QPCT: variants seen among roughly 807,000 people sequenced by gnomAD.
QPCT encodes the protein glutaminyl-peptide cyclotransferase.
In QPCT, 44 loss-of-function variants were observed where a neutral mutation model predicts 43.4. The observed-to-expected ratio is 1.01, with a 90% CI of 0.80 to 1.30. The LOEUF is 1.30. Ranked by LOEUF, QPCT falls within the 50% of genes most tolerant of loss-of-function variation. The pLI, the probability that QPCT is intolerant of heterozygous loss-of-function variation, is 0.00. For synonymous variants in QPCT, 168 were observed against 168.4 expected (o/e 1.00, Z 0.02); for missense variants, 526 against 436.5 (o/e 1.21, Z -1.83).
chr2:37,370,241 A>T (rs916464296), intron 5 of QPCT, among the ~76,000 whole-genome samples: 2 of 151,904 alleles, frequency 1.3e-5, no homozygotes, highest in Non-Finnish European at 2.9e-5. Context: ...AATATACTTT[A>T]TTGGCTTTTT....
At chr2:37,359,392 C>G (rs768024057) in intron 2 of QPCT, among the ~76,000 whole-genome samples, 188 bp from the exon 3 acceptor site, 49 of 152,256 alleles carry the variant, frequency 3.2e-4, no homozygotes, top group South Asian at 2.5e-3. Context: ...CTCCTTTAAA[C>G]AGGACAAATG....
Position 37,352,916 on chromosome 2 carries a change from G to A in QPCT, c.248G>A (p.Gly83Glu), listed in dbSNP as rs1280478702. The A allele has an allele frequency of 6.2e-7, 1 of 1,613,744 alleles. No individual in the cohort carries two copies. Among genetic ancestry groups the A allele is most frequent in the Non-Finnish European group, 8.5e-7 (1 of 1,179,706 alleles). ...LLIERYPGSP[G>E]SYAARQHIMQ... ...ATAGAGCGATACCCGGGATCCCCTG[G>A]AAGCTATGCTGCTCGTCAGGTGAGA... The change falls in exon 2 of 7, where the codon GGA becomes GAA. Residue 83 changes from glycine to glutamate, a missense_variant. Transcript: ENST00000338415.
chr2:37,365,796 G>T (rs1242429531), intron 3 of QPCT, among the ~76,000 whole-genome samples: 2 of 152,190 alleles, frequency 1.3e-5, no homozygotes, highest in Non-Finnish European at 2.9e-5. Flanking sequence ...GGGTGAGGTG[G>T]CAGGGAGAGG....
intron 3 of QPCT, among the ~76,000 whole-genome samples, chr2:37,360,591 C>A (rs1672841787): frequency 6.6e-6 from 1 of 152,186 alleles, no homozygotes; most frequent in South Asian, 2.1e-4. Context: ...ATGCTTTGTT[C>A]CCCGCTCAGA....
chr2:37,353,129 C>T (rs1163327505), intron 2 of QPCT, among the ~76,000 whole-genome samples, 194 bp downstream of exon 2: 1 of 152,208 alleles, frequency 6.6e-6, no homozygotes, highest in African/African-American at 2.4e-5. Flanking sequence ...ATGTTAATGT[C>T]AATAGTTTAT....
At chr2:37,368,303 A>C (rs538894002) in intron 4 of QPCT, 6 of 196,706 alleles carry the variant, frequency 3.1e-5, no homozygotes, top group Admixed American at 1.7e-4. Flanking sequence ...CCCACACTCC[A>C]TCCCTAATCC....
intron 3 of QPCT, 84 bp from the exon 4 acceptor site, chr2:37,367,148 C>A: frequency 7.1e-7 from 1 of 1,413,310 alleles, no homozygotes. Context: ...GCACATCTAT[C>A]TTTTTGCCCA....
chr2:37,347,144 T>TTTTATATATATATTA (rs1389307350), intron 1 of QPCT, among the ~76,000 whole-genome samples: 1 of 55,346 alleles, frequency 1.8e-5, no homozygotes, highest in African/African-American at 9.4e-5. Context: ...ATGGGGTGTT[T>TTTTATATATATATTA]TATATATATA....
In QPCT at chr2:37,369,752, C is replaced by G. The variant is rs866395434; in HGVS notation, c.791C>G (p.Ser264Ter). The change falls in exon 5 of 7, where the codon TCA becomes TGA. Residue 264 changes from serine (S) to a stop codon, truncating the protein, a stop_gained. Transcript: ENST00000338415. LOFTEE classifies it high-confidence loss of function. ...ACGTTTCCCAATTTTTTTCCAAACT[C>G]AGCCAGGTGGTTCGAAAGACTTCAA... ...NPTFPNFFPN[S>*]ARWFERLQAI... 1.2e-6 allele frequency: 2 copies of G among 1,604,948 alleles called. No individual in the cohort carries two copies.
At chr2:37,347,144 T>TTTTATATATATATATCA (rs1389307350) in intron 1 of QPCT, among the ~76,000 whole-genome samples, 5 of 55,344 alleles carry the variant, frequency 9.0e-5, no homozygotes, top group African/African-American at 4.7e-4. Flanking sequence ...ATGGGGTGTT[T>TTTTATATATATATATCA]TATATATATA....
intron 3 of QPCT, among the ~76,000 whole-genome samples, chr2:37,364,925 T>TATAATATAATATAAC (rs1181970586): frequency 1.1e-4 from 17 of 149,794 alleles, no homozygotes; most frequent in African/African-American, 3.7e-4. Context: ...TATAATATAA[T>TATAATATAATATAAC]ACAATATAAT....
At chr2:37,345,220 G>A (rs986383264) in intron 1 of QPCT, among the ~76,000 whole-genome samples, 17 of 152,202 alleles carry the variant, frequency 1.1e-4, no homozygotes, top group Admixed American at 2.0e-4. Context: ...GGGCAACGGG[G>A]CCGGCGCTCC....
intron 1 of QPCT, 91 bp from the exon 2 acceptor site, chr2:37,352,698 T>C: frequency 6.9e-7 from 1 of 1,451,626 alleles, no homozygotes; most frequent in Non-Finnish European, 9.5e-7. Flanking sequence ...CTCCCTTATT[T>C]TGAAGTTTTA....
intron 2 of QPCT, 89 bp downstream of exon 2, chr2:37,353,024 T>G: frequency 7.0e-7 from 1 of 1,428,686 alleles, no homozygotes; most frequent in Non-Finnish European, 9.4e-7. Flanking sequence ...CTGAGGTGTC[T>G]AATATTCAGA....
intron 4 of QPCT, 31 bp downstream of exon 4, chr2:37,367,439 G>A (rs763617139): frequency 6.3e-7 from 1 of 1,590,380 alleles, no homozygotes; most frequent in East Asian, 2.2e-5. Context: ...TAGCACTGTA[G>A]CTGTAGGCTC....
intron 1 of QPCT, among the ~76,000 whole-genome samples, chr2:37,347,760 T>C (rs1004089258): frequency 1.3e-5 from 2 of 152,186 alleles, no homozygotes; most frequent in African/African-American, 4.8e-5. Flanking sequence ...TAGTACAACA[T>C]TGTCAACTAG....
chr2:37,345,707 G>T (rs1005685272), intron 1 of QPCT, among the ~76,000 whole-genome samples: 10 of 151,976 alleles, frequency 6.6e-5, no homozygotes, highest in African/African-American at 2.2e-4. Flanking sequence ...GTGGTGGCAC[G>T]CACCTGTAAT....
intron 3 of QPCT, among the ~76,000 whole-genome samples, chr2:37,365,649 A>T (rs1672945026): frequency 1.3e-5 from 2 of 152,252 alleles, no homozygotes; most frequent in Admixed American, 1.3e-4. Context: ...TTGATGATGT[A>T]GGAGAGAAAT....
chr2:37,356,318 C>G (rs1372072590), intron 2 of QPCT, among the ~76,000 whole-genome samples: 1 of 151,690 alleles, frequency 6.6e-6, no homozygotes, highest in Non-Finnish European at 1.5e-5. Context: ...TTATCCCTAT[C>G]TCCATCTCTC....
Sources: gnomAD v4.1 joint callset for allele counts (sites outside exome capture counted in the v4.1 genomes callset) on GRCh38, gnomAD v4.1.1 for gene constraint, MANE v1.5 for transcripts, NCBI Gene and HGNC (gene_info 2026-07-23, HGNC 2026-07-21) for gene names.